ENOSF1: variants seen among roughly 807,000 people sequenced by gnomAD.
ENOSF1 encodes the protein enolase superfamily member 1.
In ENOSF1, 73 loss-of-function variants were observed where a neutral mutation model predicts 68.2. That is an observed-to-expected ratio of 1.07 (90% CI 0.89 to 1.30). The LOEUF is 1.30. Ranked by LOEUF, ENOSF1 falls within the 50% of genes most tolerant of loss-of-function variation. The pLI is 0.00. For missense variants in ENOSF1, 589 were observed against 554.5 expected, an observed-to-expected ratio of 1.06 and a Z score of -0.62; for synonymous variants, 223 against 210.4, an observed-to-expected ratio of 1.06 and a Z score of -0.52.
chr18:702,264 CAAAAAAAAAAA>C (rs71174275), intron 2 of ENOSF1, among the ~76,000 whole-genome samples: 2 of 65,774 alleles, frequency 3.0e-5, no homozygotes, highest in African/African-American at 1.3e-4. Flanking sequence ...AACTACATCT[CAAAAAAAAAAA>C]AAAAAAAAAA....
chr18:696,552 C>G (rs938074869), intron 3 of ENOSF1, among the ~76,000 whole-genome samples: 2 of 152,060 alleles, frequency 1.3e-5, no homozygotes, highest in African/African-American at 4.8e-5. Context: ...CATTATTTCT[C>G]CATAAAGAGA....
At chr18:704,409 CAGAGCA>C (rs1233614162) in intron 2 of ENOSF1, among the ~76,000 whole-genome samples, 5 of 114,608 alleles carry the variant, frequency 4.4e-5, no homozygotes, top group Non-Finnish European at 6.7e-5. Context: ...GGCTGGGCAA[CAGAGCA>C]AGACTCTTGT....
At position 675,427 on chromosome 18, in the gene ENOSF1, G is replaced by A. The variant is rs753593024; in HGVS notation, c.1149-25C>T. On this transcript the variant is annotated intron_variant, in intron 14 of 15. Transcript: ENST00000647584. Reference sequence around the variant, plus strand: ...CCTAGGAGGAGGGAATCAGATCGGGGCAATGATGCCTGAAGTCAGATTATT... The same window carrying A: ...CCTAGGAGGAGGGAATCAGATCGGGACAATGATGCCTGAAGTCAGATTATT... The A allele has an allele frequency of 6.3e-6, 10 of 1,591,078 alleles. No homozygotes were observed. The South Asian group carries it at 7.9e-5, about 13-fold the overall frequency.
chr18:666,216 G>A (rs557267542), downstream of ENOSF1, among the ~76,000 whole-genome samples: 17 of 151,172 alleles, frequency 1.1e-4, no homozygotes, highest in South Asian at 8.4e-4. Context: ...CTGTGTCATC[G>A]GCAGATAGCT....
downstream of ENOSF1, among the ~76,000 whole-genome samples, chr18:668,335 G>A (rs967336191): frequency 1.3e-5 from 2 of 152,088 alleles, no homozygotes; most frequent in South Asian, 4.1e-4. Context: ...GACACTAATA[G>A]GTAGAAATTT....
chr18:674,787 T>A (rs1568005876), intron 15 of ENOSF1, among the ~76,000 whole-genome samples: 1 of 152,248 alleles, frequency 6.6e-6, no homozygotes, highest in Non-Finnish European at 1.5e-5. Flanking sequence ...CCCAAAGTGT[T>A]GGGATTACAG....
intron 7 of ENOSF1, 49 bp downstream of exon 7, chr18:691,019 A>G: frequency 1.2e-6 from 2 of 1,603,328 alleles, no homozygotes; most frequent in East Asian, 2.2e-5. Flanking sequence ...GGCACTCAAA[A>G]GTGGACAATG....
intron 2 of ENOSF1, among the ~76,000 whole-genome samples, chr18:701,229 T>C (rs1187649884): frequency 6.6e-6 from 1 of 152,188 alleles, no homozygotes; most frequent in Non-Finnish European, 1.5e-5. Context: ...ATTGTACATA[T>C]TATTATACAT....
rs376476881 is a variant in ENOSF1, at chr18:678,709, G to T, written c.905C>A (p.Ala302Asp). 3.2e-5 allele frequency: 51 copies of T among 1,614,122 alleles called. No homozygotes were observed. The African/African-American group carries it at 4.4e-4, about 14-fold the overall frequency. ...GGCGTCACTCACCTGTTCTCCTGTG[G>T]CAATGCCAATTCCTAATGGGACCAG... Reference protein sequence around the residue: ...KALVPLGIGIATGEQCHNRVI... With the variant: ...KALVPLGIGIDTGEQCHNRVI... Residue 302 changes from alanine to aspartate, a missense_variant, in exon 12 of 16, where the codon GCC becomes GAC. Physicochemically the swap from Ala to Asp is moderately radical, Grantham distance 126 (BLOSUM62 -2). Transcript: ENST00000647584.
At chr18:670,045 ATT>A (rs34118802), downstream of ENOSF1, among the ~76,000 whole-genome samples, 53,445 of 138,148 alleles carry the variant, frequency 0.39, 10,772 homozygotes, top group East Asian at 0.67. Flanking sequence ...ATAGAGACTT[ATT>A]TTTTTTTTTT....
At chr18:702,393 A>T (rs1043812254) in intron 2 of ENOSF1, among the ~76,000 whole-genome samples, 2 of 151,362 alleles carry the variant, frequency 1.3e-5, no homozygotes, top group African/African-American at 4.9e-5. Context: ...GCCAACATAT[A>T]GTGAAACCCT....
At chr18:690,794 G>T (rs2077076289) in intron 7 of ENOSF1, 163 bp from the exon 8 acceptor site, 2 of 1,483,558 alleles carry the variant, frequency 1.3e-6, no homozygotes, top group African/African-American at 1.4e-5. Flanking sequence ...AAACCCAGGT[G>T]ATCAGGATAC....
chr18:684,326 A>C (rs1479027183), intron 10 of ENOSF1, among the ~76,000 whole-genome samples: 1 of 152,028 alleles, frequency 6.6e-6, no homozygotes, highest in Non-Finnish European at 1.5e-5. Context: ...CCAGGAGTTC[A>C]AGACCAGGCT....
intron 3 of ENOSF1, among the ~76,000 whole-genome samples, 192 bp downstream of exon 3, chr18:697,048 C>T (rs907568512): frequency 2.0e-5 from 3 of 152,042 alleles, no homozygotes; most frequent in African/African-American, 7.2e-5. Flanking sequence ...ACCCAGGAGG[C>T]GGAGGTTGCA....
chr18:698,948 C>T (rs568825051), intron 2 of ENOSF1, among the ~76,000 whole-genome samples: 2 of 152,234 alleles, frequency 1.3e-5, no homozygotes, highest in East Asian at 3.9e-4. Context: ...AATGCCTAGC[C>T]TCAAGCAATC....
chr18:669,366 A>ATTTTTTTTTTTTTTTTTTTTTTTTTT (rs68090938), downstream of ENOSF1: 1 of 182,356 alleles, frequency 5.5e-6, no homozygotes, highest in Admixed American at 7.6e-5. Flanking sequence ...GGCCCAGAGG[A>ATTTTTTTTTTTTTTTTTTTTTTTTTT]TTTTTTTTTT....
intron 10 of ENOSF1, 115 bp downstream of exon 10, chr18:685,806 G>A (rs1032037023): frequency 8.3e-6 from 7 of 847,846 alleles, no homozygotes; most frequent in East Asian, 2.5e-5. Flanking sequence ...CCACAGAAGT[G>A]TACTTCCTCT....
chr18:710,787 A>G (rs1464442864), intron 1 of ENOSF1, among the ~76,000 whole-genome samples: 1 of 152,226 alleles, frequency 6.6e-6, no homozygotes, highest in East Asian at 1.9e-4. Flanking sequence ...CTAGGCTTAG[A>G]AAGATTGTGT....
At chr18:667,046 GTGATGGAGATGGAGATGGT>G (rs1567989877), downstream of ENOSF1, among the ~76,000 whole-genome samples, 8 of 35,028 alleles carry the variant, frequency 2.3e-4, no homozygotes, top group South Asian at 1.1e-3. Flanking sequence ...GATGGTGATG[GTGATGGAGATGGAGATGGT>G]GATGGTGATG....
Sources: gnomAD v4.1 joint callset for allele counts (sites outside exome capture counted in the v4.1 genomes callset) on GRCh38, gnomAD v4.1.1 for gene constraint, MANE v1.5 for transcripts, NCBI Gene and HGNC (gene_info 2026-07-23, HGNC 2026-07-21) for gene names.